Variants in TESC observed in about 807,000 individuals in gnomAD.
TESC encodes tescalcin.
A neutral mutation model predicts 31.0 loss-of-function variants in TESC; 19 were observed. That is an observed-to-expected ratio of 0.61 (90% CI 0.43 to 0.90). The LOEUF (loss-of-function observed/expected upper bound fraction) is 0.90. Among genes scored for constraint, TESC ranks in the 40% least tolerant of loss-of-function variants. The pLI is 0.00. For synonymous variants in TESC, 109 were observed against 114.8 expected (o/e 0.95, Z 0.32); for missense variants, 248 against 303.8 (o/e 0.82, Z 1.36).
At chr12:117,060,291 C>T (rs532669577) in intron 2 of TESC, among the ~76,000 whole-genome samples, 1 of 152,206 alleles carries the variant, frequency 6.6e-6, no homozygotes, top group East Asian at 1.9e-4. Flanking sequence ...GGTGGTGAAC[C>T]GCCCCAGAGT....
At chr12:117,043,540 A>G (rs1009503873) in intron 6 of TESC, among the ~76,000 whole-genome samples, 1 of 152,056 alleles carries the variant, frequency 6.6e-6, no homozygotes, top group African/African-American at 2.4e-5. Context: ...GCTCACTGTG[A>G]CCTCTGCCTC....
chr12:117,048,979 C>T, intron 4 of TESC, 40 bp downstream of exon 4: 1 of 1,613,566 alleles, frequency 6.2e-7, no homozygotes, highest in East Asian at 2.2e-5. Flanking sequence ...GAGGCTGCAC[C>T]CCAGGCCAGG....
chr12:117,095,504 G>T (rs936953692), intron 1 of TESC, among the ~76,000 whole-genome samples: 1 of 152,184 alleles, frequency 6.6e-6, no homozygotes, highest in Non-Finnish European at 1.5e-5. Context: ...GAAAAAATAC[G>T]GGAGTCTTTT....
chr12:117,058,338 T>C (rs1428443237), intron 2 of TESC, among the ~76,000 whole-genome samples: 1 of 152,016 alleles, frequency 6.6e-6, no homozygotes, highest in East Asian at 1.9e-4. Context: ...TTATCTGGAA[T>C]AGGTAAATAC....
chr12:117,075,124 C>G (rs957315503), intron 2 of TESC, 147 bp downstream of exon 2: 5 of 784,342 alleles, frequency 6.4e-6, no homozygotes, highest in Non-Finnish European at 9.7e-6. Context: ...CCAGCCTGGG[C>G]GACGGAGCGA....
At chr12:117,069,047 C>T (rs950369762) in intron 2 of TESC, among the ~76,000 whole-genome samples, 5 of 151,692 alleles carry the variant, frequency 3.3e-5, no homozygotes, top group Non-Finnish European at 5.9e-5. Context: ...AGGGGAAGAG[C>T]CCCCCGAATG....
At chr12:117,049,386 G>A (rs564612608) in intron 3 of TESC, among the ~76,000 whole-genome samples, 39 of 152,358 alleles carry the variant, frequency 2.6e-4, no homozygotes, top group African/African-American at 8.2e-4. Flanking sequence ...CATCAGGGAG[G>A]TGGAAGAGAG....
intron 1 of TESC, among the ~76,000 whole-genome samples, chr12:117,095,642 G>A (rs1037827057): frequency 3.9e-5 from 6 of 152,158 alleles, no homozygotes; most frequent in African/African-American, 1.4e-4. Context: ...CTTTCAAGAG[G>A]CTGAAGTGGG....
chr12:117,097,993 A>G (rs936895650), intron 1 of TESC, among the ~76,000 whole-genome samples: 2 of 152,200 alleles, frequency 1.3e-5, no homozygotes, highest in African/African-American at 4.8e-5. Context: ...ACACAGAGAT[A>G]CAGATATAGA....
intron 1 of TESC, among the ~76,000 whole-genome samples, chr12:117,078,002 GGAAGA>G (rs879716523): frequency 5.3e-5 from 8 of 152,030 alleles, no homozygotes; most frequent in African/African-American, 1.2e-4. Context: ...AGGAGATCTG[GGAAGA>G]GAAAAGAAAA....
chr12:117,055,903 TTCC>T (rs980719101), intron 3 of TESC, among the ~76,000 whole-genome samples: 4 of 151,492 alleles, frequency 2.6e-5, no homozygotes, highest in Admixed American at 1.3e-4. Flanking sequence ...CTTTCTAGTT[TTCC>T]TTTTCCTTTT....
intron 4 of TESC, chr12:117,048,581 G>A (rs112942350): frequency 0.027 from 10,855 of 404,378 alleles, 199 homozygotes; most frequent in Non-Finnish European, 0.042. Flanking sequence ...GCCCATGGAG[G>A]AGGGAGAGGA....
At chr12:117,065,903 G>T (rs1954872106) in intron 2 of TESC, among the ~76,000 whole-genome samples, 1 of 152,138 alleles carries the variant, frequency 6.6e-6, no homozygotes, top group South Asian at 2.1e-4. Context: ...CTAACATACA[G>T]CTGGTGTTTC....
chr12:117,072,518 G>T (rs1954988392), intron 2 of TESC, among the ~76,000 whole-genome samples: 1 of 152,200 alleles, frequency 6.6e-6, no homozygotes, highest in Non-Finnish European at 1.5e-5. Context: ...TAATACAGTT[G>T]GACTCCGAAG....
intron 1 of TESC, among the ~76,000 whole-genome samples, chr12:117,081,586 T>C (rs1416009526): frequency 1.3e-5 from 2 of 152,124 alleles, no homozygotes; most frequent in Non-Finnish European, 2.9e-5. Flanking sequence ...ATGAGGGTAA[T>C]CAAGGTTGCC....
chr12:117,078,634 C>G (rs963535497), intron 1 of TESC, among the ~76,000 whole-genome samples: 9 of 152,122 alleles, frequency 5.9e-5, no homozygotes, highest in African/African-American at 2.2e-4. Flanking sequence ...TCCACATATA[C>G]TGCCTAAAAA....
chr12:117,058,172 A>T (rs1386816488), intron 2 of TESC, among the ~76,000 whole-genome samples: 1 of 152,112 alleles, frequency 6.6e-6, no homozygotes, highest in Non-Finnish European at 1.5e-5. Context: ...GTGAGCCAAG[A>T]TCTCACCATT....
At chr12:117,047,892 C>G (rs1954590701) in intron 4 of TESC, among the ~76,000 whole-genome samples, 1 of 152,212 alleles carries the variant, frequency 6.6e-6, no homozygotes, top group Admixed American at 6.5e-5. Context: ...AGGCACGCAG[C>G]ACCACTATGC....
intron 2 of TESC, 37 bp downstream of exon 2, chr12:117,075,233 TG>T: frequency 6.2e-7 from 1 of 1,606,126 alleles, no homozygotes; most frequent in Non-Finnish European, 8.5e-7. Flanking sequence ...TGCAAGGGCA[TG>T]GCCCCACCCA....
Sources: gnomAD v4.1 joint callset for allele counts (sites outside exome capture counted in the v4.1 genomes callset) on GRCh38, gnomAD v4.1.1 for gene constraint, MANE v1.5 for transcripts, NCBI Gene and HGNC (gene_info 2026-07-23, HGNC 2026-07-21) for gene names.